ADRA1A: variants seen among roughly 807,000 people sequenced by gnomAD.
ADRA1A encodes alpha-1A adrenergic receptor.
Under a neutral mutation model 29.6 loss-of-function variants are expected in ADRA1A, and 31 were observed. The observed-to-expected ratio is 1.05, with a 90% CI of 0.79 to 1.41. ADRA1A has a LOEUF of 1.41. ADRA1A is among the 40% of genes most tolerant of loss of function. ADRA1A has a pLI of 0.00. For missense variants in ADRA1A, 619 were observed against 601.1 expected, an observed-to-expected ratio of 1.03 and a Z score of -0.31; for synonymous variants, 311 against 254.3, an observed-to-expected ratio of 1.22 and a Z score of -2.12.
chr8:26,752,954 T>C (rs1216366395), downstream of ADRA1A, among the ~76,000 whole-genome samples: 1 of 152,170 alleles, frequency 6.6e-6, no homozygotes, highest in Non-Finnish European at 1.5e-5. Context: ...AAATGAGGAT[T>C]TGGAGATGTT....
chr8:26,827,368 ATACT>A (rs1585776646), intron 2 of ADRA1A, among the ~76,000 whole-genome samples: 3 of 152,178 alleles, frequency 2.0e-5, no homozygotes, highest in South Asian at 2.1e-4. Context: ...GTGACATGTG[ATACT>A]TACTTAATTT....
At chr8:26,844,997 G>A (rs552737726) in intron 2 of ADRA1A, among the ~76,000 whole-genome samples, 159 of 152,276 alleles carry the variant, frequency 1.0e-3, no homozygotes, top group African/African-American at 2.0e-3. Flanking sequence ...ATTCAAAGCC[G>A]TCCTGGCCAT....
chr8:26,851,389 C>T (rs1812617137), intron 2 of ADRA1A, among the ~76,000 whole-genome samples: 1 of 152,120 alleles, frequency 6.6e-6, no homozygotes, highest in Admixed American at 6.5e-5. Context: ...AAAAAAGTTA[C>T]CCGTTTTACG....
chr8:26,867,117 T>C lies in ADRA1A; in HGVS notation c.-868A>G. ...TCCACCACTGATGTCTTTAAGCTCC[T>C]GAACCGCTGTCACTTTACCTGCATT... On this transcript the variant is annotated 5_prime_UTR_variant, in exon 1 of 3. Transcript: ENST00000380573. 1 of 985,406 alleles carries C rather than the reference T, an allele frequency of 1.0e-6. No individual in the cohort carries two copies. The highest frequency in any genetic ancestry group is 1.2e-6 in the Non-Finnish European group (1 of 829,934). 61.0% of individuals were successfully genotyped at this position (985,406 alleles called of 1,614,324 possible).
chr8:26,861,384 C>A (rs1379610289), intron 2 of ADRA1A, among the ~76,000 whole-genome samples: 3 of 148,786 alleles, frequency 2.0e-5, no homozygotes, highest in African/African-American at 7.4e-5. Context: ...TCACTGCAAC[C>A]TCTGCCTCCC....
chr8:26,817,284 G>T (rs978864123), intron 2 of ADRA1A, among the ~76,000 whole-genome samples: 1 of 152,104 alleles, frequency 6.6e-6, no homozygotes, highest in Non-Finnish European at 1.5e-5. Flanking sequence ...CAAATGAAAA[G>T]ATGCTCAACA....
chr8:26,810,897 C>CAATT (rs1388754796), intron 2 of ADRA1A, among the ~76,000 whole-genome samples: 2 of 152,044 alleles, frequency 1.3e-5, no homozygotes, highest in Non-Finnish European at 2.9e-5. Flanking sequence ...GTTGAAAAAT[C>CAATT]AATTACCTGA....
chr8:26,859,910 G>A (rs534968664), intron 2 of ADRA1A, among the ~76,000 whole-genome samples: 1 of 152,046 alleles, frequency 6.6e-6, no homozygotes, highest in Admixed American at 6.6e-5. Flanking sequence ...TGGTATTACA[G>A]GCGTGCACCA....
chr8:26,805,367 A>G lies in ADRA1A; in HGVS notation c.884-34701T>C, dbSNP rs1808898386. Among the ~76,000 whole-genome samples the G allele has an allele frequency of 6.6e-6, 1 of 152,218 alleles. No individual in the cohort carries two copies. Among genetic ancestry groups the G allele is most frequent in the Non-Finnish European group, 1.5e-5 (1 of 68,042 alleles). On this transcript the variant is annotated intron_variant, in intron 2 of 2. Coordinates refer to ENST00000380573, the MANE Select transcript of ADRA1A (RefSeq NM_000680.4). The surrounding 1 kb of genome is among the most constrained non-coding windows in gnomAD (Gnocchi z 4.8). ...TCTGGTTTGGATCTACAAGGTGGGA[A>G]TTATTCCCACTTTAAAGATGAAGCA...
Position 26,770,483 on chromosome 8 carries a change from A to G in ADRA1A, c.1067T>C (p.Leu356Pro), listed in dbSNP as rs376514624. The change falls in exon 3 of 3, where the codon CTG becomes CCG. Residue 356 changes from leucine to proline, a missense_variant. Physicochemically the swap from Leu to Pro is moderately conservative, Grantham distance 98. Coordinates refer to ENST00000380573, the MANE Select transcript of ADRA1A (RefSeq NM_000680.4). ...GCTGGGCGGGTGCAGGGTGTAGCCC[A>G]GGGCATGTTTGGAAGACTGCTTTCT... Reference protein sequence around the residue: ...LCRKQSSKHALGYTLHPPSQA... With the variant: ...LCRKQSSKHAPGYTLHPPSQA... The G allele has an allele frequency of 1.9e-6, 3 of 1,614,082 alleles. No homozygotes were observed. The African/African-American group carries it at 4.0e-5, about 22-fold the overall frequency.
rs1325493248 is a variant in ADRA1A, at chr8:26,796,866, G to A, written c.884-26200C>T. ...ATGGCTTTGTTTTAAAGGCAGATAT[G>A]TTCAGGACATATTGGAGAGGTTTAT... On this transcript the variant is annotated intron_variant, in intron 2 of 2. Coordinates refer to ENST00000380573, the MANE Select transcript of ADRA1A (RefSeq NM_000680.4). This position sits in a 1 kb window ranked among gnomAD's most constrained non-coding sequence, Gnocchi z 5.0. Among the ~76,000 whole-genome samples, 1 of 152,124 alleles carries A rather than the reference G, an allele frequency of 6.6e-6. No individual in the cohort carries two copies. The highest frequency in any genetic ancestry group is 1.5e-5 in the Non-Finnish European group (1 of 68,002).
chr8:26,823,925 C>T lies in ADRA1A; in HGVS notation c.883+40162G>A, dbSNP rs935724999. On this transcript the variant is annotated intron_variant, in intron 2 of 2. Transcript: ENST00000380573. This position sits in a 1 kb window ranked among gnomAD's most constrained non-coding sequence, Gnocchi z 4.2. ...AGCCTTTCTTTGGGTCTTTGTTCCA[C>T]GCTATGTTACTCTGGGCTCATTTAG... Among the ~76,000 whole-genome samples the T allele has an allele frequency of 2.3e-4, 35 of 152,220 alleles. No individual in the cohort carries two copies. The highest frequency in any genetic ancestry group is 6.5e-4 in the African/African-American group (27 of 41,532).
At chr8:26,771,055 C>T (rs960201145) in intron 2 of ADRA1A, among the ~76,000 whole-genome samples, 3 of 152,182 alleles carry the variant, frequency 2.0e-5, no homozygotes, top group Non-Finnish European at 4.4e-5. Flanking sequence ...TATTAAAATT[C>T]GGTTATCTGA....
In ADRA1A at chr8:26,823,409, C is replaced by A. The variant is rs1296102216; in HGVS notation, c.883+40678G>T. Among the ~76,000 whole-genome samples the A allele has an allele frequency of 6.6e-6, 1 of 152,114 alleles. No individual in the cohort carries two copies. Among genetic ancestry groups the A allele is most frequent in the Non-Finnish European group, 1.5e-5 (1 of 68,026 alleles). ...ATGCACACCAGTGTAATATCTTTGT[C>A]CCTGGTGAGCCGTATCTCTGATACC... On this transcript the variant is annotated intron_variant, in intron 2 of 2. Transcript: ENST00000380573. The surrounding 1 kb of genome is among the most constrained non-coding windows in gnomAD (Gnocchi z 4.2).
At chr8:26,768,385 T>C (rs1805905735), downstream of ADRA1A, among the ~76,000 whole-genome samples, 1 of 152,216 alleles carries the variant, frequency 6.6e-6, no homozygotes, top group Non-Finnish European at 1.5e-5. Context: ...TTCCAAAAAC[T>C]TAAATTCTAT....
At chr8:26,862,625 G>T (rs1260028770) in intron 2 of ADRA1A, among the ~76,000 whole-genome samples, 2 of 152,172 alleles carry the variant, frequency 1.3e-5, no homozygotes, top group Non-Finnish European at 2.9e-5. Context: ...GTACTTCCAG[G>T]AGCAGAGTAA....
chr8:26,836,600 T>G (rs1342165303), intron 2 of ADRA1A, among the ~76,000 whole-genome samples: 1 of 152,238 alleles, frequency 6.6e-6, no homozygotes, highest in African/African-American at 2.4e-5. Flanking sequence ...CATTAAACAC[T>G]TTAAGAAGAG....
chr8:26,761,107 A>G (rs1157713736), downstream of ADRA1A, among the ~76,000 whole-genome samples: 1 of 152,236 alleles, frequency 6.6e-6, no homozygotes, highest in African/African-American at 2.4e-5. Flanking sequence ...GAGAAGACAG[A>G]ACTTATATAA....
intron 2 of ADRA1A, among the ~76,000 whole-genome samples, chr8:26,857,770 T>C (rs1813157620): frequency 6.6e-6 from 1 of 152,246 alleles, no homozygotes; most frequent in African/African-American, 2.4e-5. Context: ...GCTCCCTTTG[T>C]ACCTGCAGTG....
Sources: allele counts gnomAD v4.1 joint callset (sites outside exome capture counted in the v4.1 genomes callset), GRCh38; gene constraint gnomAD v4.1.1; non-coding constraint Gnocchi (gnomAD v3.1); transcripts MANE v1.5; gene names NCBI Gene and HGNC (gene_info 2026-07-23, HGNC 2026-07-21).